Variants in ARFGEF3 observed in about 807,000 individuals in gnomAD.
ARFGEF3 encodes the protein brefeldin A-inhibited guanine nucleotide-exchange protein 3.
In ARFGEF3, 96 loss-of-function variants were observed where a neutral mutation model predicts 221.7. That is an observed-to-expected ratio of 0.43 (90% CI 0.37 to 0.51). The LOEUF (loss-of-function observed/expected upper bound fraction) is 0.51, where lower values mean the gene tolerates loss of function less well. Ranked by LOEUF, ARFGEF3 falls within the 20% of genes least tolerant of loss-of-function variation. The probability of loss-of-function intolerance (pLI) is 0.00; values close to 1 mark genes in which losing one functional copy is unlikely to be tolerated. For missense variants in ARFGEF3, 2,410 were observed against 2,789.9 expected (o/e 0.86, Z 3.07); for synonymous variants, 1,145 against 1,126.8 (o/e 1.02, Z -0.32).
At chr6:138,287,408 G>A (rs1779317689) in intron 17 of ARFGEF3, among the ~76,000 whole-genome samples, 1 of 152,216 alleles carries the variant, frequency 6.6e-6, no homozygotes, top group African/African-American at 2.4e-5. Flanking sequence ...ACTGACCCCT[G>A]GTGGCAAGGA....
intron 12 of ARFGEF3, among the ~76,000 whole-genome samples, chr6:138,277,514 T>C (rs1779121140): frequency 6.6e-6 from 1 of 152,274 alleles, no homozygotes; most frequent in Non-Finnish European, 1.5e-5. Context: ...ATAGTGATTC[T>C]ATGTTTAGCT....
intron 25 of ARFGEF3, among the ~76,000 whole-genome samples, chr6:138,313,244 C>T (rs570745890): frequency 1.3e-5 from 2 of 152,268 alleles, no homozygotes; most frequent in South Asian, 2.1e-4. Context: ...GGTGCCTGGG[C>T]GCTAGTCCCA....
intron 4 of ARFGEF3, chr6:138,217,778 A>G (rs950535071): frequency 6.2e-6 from 4 of 643,952 alleles, no homozygotes; most frequent in Non-Finnish European, 4.7e-6. Flanking sequence ...GATAATAGAT[A>G]ATAATCTATG....
At position 138,165,169 on chromosome 6, in the gene ARFGEF3, A is replaced by G. The variant is rs147459533; in HGVS notation, c.85+2998A>G. Among the ~76,000 whole-genome samples, 1,065 of 148,968 alleles carry G rather than the reference A, an allele frequency of 7.1e-3. 7 individuals carry two copies. The highest frequency in any genetic ancestry group is 0.012 in the Non-Finnish European group (831 of 67,230). ...CATCCCCGTCTGAGACCCTCATGAG[A>G]GAGAGAGGGCATCCCCCTCTGAGAC... On this transcript the variant is annotated intron_variant, in intron 1 of 33. Transcript: ENST00000251691.
chr6:138,293,266 G>A (rs751778141), intron 19 of ARFGEF3, among the ~76,000 whole-genome samples: 4 of 152,188 alleles, frequency 2.6e-5, no homozygotes, highest in African/African-American at 4.8e-5. Flanking sequence ...ATTGCTCGTT[G>A]TGGCCTCATA....
chr6:138,310,555 GT>G (rs372393309), intron 24 of ARFGEF3, among the ~76,000 whole-genome samples: 1,525 of 151,838 alleles, frequency 0.01, 10 homozygotes, highest in Middle Eastern at 0.024. Context: ...AATGTTTTTT[GT>G]TTTTTTTAAG....
chr6:138,230,134 C>G (rs564361822), intron 5 of ARFGEF3, among the ~76,000 whole-genome samples: 1 of 152,162 alleles, frequency 6.6e-6, no homozygotes, highest in Non-Finnish European at 1.5e-5. Context: ...CTGCTCCACC[C>G]AGGCGTATTG....
At position 138,333,448 on chromosome 6, in the gene ARFGEF3, TTTTTTC is replaced by T. The variant is rs1477852667; in HGVS notation, c.5124-516_5124-511del. On this transcript the variant is annotated intron_variant, in intron 32 of 33. Transcript: ENST00000251691. ...CTTATATTCTATAGCTTTGGGAATTTTTTTTCTTTTTGAGACAGAGTCTTGCTCTGT... is the reference window on the plus strand; with the variant it reads ...CTTATATTCTATAGCTTTGGGAATTTTTTTTGAGACAGAGTCTTGCTCTGT... Among the ~76,000 whole-genome samples the T allele has an allele frequency of 2.0e-5, 3 of 152,258 alleles. No homozygotes were observed. In the East Asian group the frequency reaches 5.8e-4, roughly 29 times the overall value.
chr6:138,218,536 CTT>C, intron 4 of ARFGEF3: 2 of 1,354,784 alleles, frequency 1.5e-6, no homozygotes, highest in Non-Finnish European at 1.9e-6. Flanking sequence ...AACACCCACT[CTT>C]TAGCTGAGCC....
chr6:138,327,413 C>T (rs984122207), intron 31 of ARFGEF3, among the ~76,000 whole-genome samples: 3 of 152,176 alleles, frequency 2.0e-5, no homozygotes, highest in Non-Finnish European at 2.9e-5. Flanking sequence ...CATACCACTG[C>T]ACTCCAGCCT....
At chr6:138,211,151 G>A (rs1777719513) in intron 4 of ARFGEF3, among the ~76,000 whole-genome samples, 1 of 152,194 alleles carries the variant, frequency 6.6e-6, no homozygotes, top group Non-Finnish European at 1.5e-5. Flanking sequence ...AATTAAATAA[G>A]GTGACATTTG....
At chr6:138,182,966 C>G (rs1340978871) in intron 2 of ARFGEF3, among the ~76,000 whole-genome samples, 1 of 152,084 alleles carries the variant, frequency 6.6e-6, no homozygotes, top group Non-Finnish European at 1.5e-5. Context: ...TTTCCTGAAA[C>G]TATAACTGCC....
At position 138,266,900 on chromosome 6, in the gene ARFGEF3, C is replaced by A. The variant is rs1356053108; in HGVS notation, c.2128+3289C>A. On this transcript the variant is annotated intron_variant, in intron 12 of 33. Transcript: ENST00000251691. ...TAGTTCATGAGCTAAGGGAGTTGTACATAAAGCCTCTCAAGTTGTTCTTTG... is the reference window on the plus strand; with the variant it reads ...TAGTTCATGAGCTAAGGGAGTTGTAAATAAAGCCTCTCAAGTTGTTCTTTG... Among the ~76,000 whole-genome samples the A allele has an allele frequency of 2.8e-5, 4 of 141,858 alleles. No individual in the cohort carries two copies. The East Asian group carries it at 9.5e-4, about 34-fold the overall frequency. 93.1% of individuals were successfully genotyped at this position (141,858 alleles called of 152,430 possible). A position where few individuals can be genotyped will look rare whatever the true frequency, so the allele number is the denominator to read the frequency against.
At chr6:138,309,081 T>C (rs1242073572) in intron 24 of ARFGEF3, among the ~76,000 whole-genome samples, 1 of 152,252 alleles carries the variant, frequency 6.6e-6, no homozygotes, top group Admixed American at 6.5e-5. Flanking sequence ...GAATATCTTA[T>C]AGCATATTTT....
chr6:138,178,400 T>C lies in ARFGEF3; in HGVS notation c.137+7687T>C, dbSNP rs1776998069. Reference sequence around the variant, plus strand: ...TGCTCTCTTCATCAAAATTGCCCAGTGTGTGTCTTATAACATGCAGCCTTT... The same window carrying C: ...TGCTCTCTTCATCAAAATTGCCCAGCGTGTGTCTTATAACATGCAGCCTTT... On this transcript the variant is annotated intron_variant, in intron 2 of 33. Transcript: ENST00000251691. Among the ~76,000 whole-genome samples the C allele has an allele frequency of 2.0e-5, 3 of 152,148 alleles. No individual in the cohort carries two copies. In the South Asian group the frequency reaches 6.2e-4, roughly 32 times the overall value.
At chr6:138,309,170 G>T (rs921615244) in intron 24 of ARFGEF3, among the ~76,000 whole-genome samples, 7 of 152,022 alleles carry the variant, frequency 4.6e-5, no homozygotes, top group Non-Finnish European at 7.4e-5. Context: ...TTTGTAAAAG[G>T]TTCTCGGGCT....
Position 138,291,807 on chromosome 6 carries a change from G to A in ARFGEF3, c.3122G>A (p.Ser1041Asn). The part of the protein sequence containing the change: ...DGASQPPLTI[S>N]QPQKATGSAG... ...GCCTCGCAGCCCCCTCTGACCATCA[G>A]CCAGCCCCAGAAGGCCACTGGAAGC... is the stretch of plus-strand genomic sequence containing the variant. Residue 1041 changes from serine (S) to asparagine (N), a missense_variant, in exon 19 of 34, where the codon AGC (serine) becomes AAC (asparagine). By Grantham distance (46) the Ser-to-Asn change is conservative (BLOSUM62 1). This residue lies in a region of ARFGEF3 where 184 missense variants were observed against 141.8 expected (regional missense o/e 1.30). Transcript: ENST00000251691. This position sits in a 1 kb window ranked among gnomAD's most constrained non-coding sequence, Gnocchi z 4.5. 6.8e-7 allele frequency: 1 copy of A among 1,480,720 alleles called. No individual in the cohort carries two copies. The allele number at this position is 1,480,720 out of a possible 1,614,324, so 91.7% of individuals were successfully genotyped here. A position where few individuals can be genotyped will look rare whatever the true frequency, so the allele number is the denominator to read the frequency against.
intron 12 of ARFGEF3, among the ~76,000 whole-genome samples, chr6:138,278,029 C>A (rs1405525838): frequency 4.6e-5 from 7 of 152,104 alleles, no homozygotes; most frequent in Non-Finnish European, 8.8e-5. Flanking sequence ...GGCTGAGGGA[C>A]AGCAGGCAGT....
chr6:138,317,775 T>A (rs1431122157), intron 27 of ARFGEF3, among the ~76,000 whole-genome samples: 2 of 152,332 alleles, frequency 1.3e-5, no homozygotes, highest in African/African-American at 4.8e-5. Flanking sequence ...TTGGGCTTAC[T>A]GGGTCTTCCA....
Sources: gnomAD v4.1 joint callset for allele counts (sites outside exome capture counted in the v4.1 genomes callset) on GRCh38, gnomAD v4.1.1 for gene constraint, gnomAD v4.1.1 regional missense constraint, Gnocchi (gnomAD v3.1) non-coding constraint, MANE v1.5 for transcripts, NCBI Gene and HGNC (gene_info 2026-07-23, HGNC 2026-07-21) for gene names.